The following PAXBP1 variants were observed in gnomAD, a reference collection of about 807,000 sequenced individuals.
The protein encoded by PAXBP1 is PAX3- and PAX7-binding protein 1.
Under a neutral mutation model 119.9 loss-of-function variants are expected in PAXBP1, and 44 were observed. That is an observed-to-expected ratio of 0.37 (90% CI 0.29 to 0.47). The LOEUF is 0.47. Among genes scored for constraint, PAXBP1 ranks in the 20% least tolerant of loss-of-function variants. The probability of loss-of-function intolerance (pLI) is 0.99; values close to 1 mark genes in which losing one functional copy is unlikely to be tolerated. For missense variants in PAXBP1, 898 were observed against 1,134.1 expected (o/e 0.79, Z 2.99); for synonymous variants, 393 against 406.6 (o/e 0.97, Z 0.40).
chr21:32,745,427 G>T, intron 12 of PAXBP1, 147 bp downstream of exon 12: 1 of 1,124,058 alleles, frequency 8.9e-7, no homozygotes, highest in Non-Finnish European at 1.3e-6. Context: ...GAACCCCTCT[G>T]CCCTCTAGCC....
chr21:32,762,174 C>T lies in PAXBP1; in HGVS notation c.793G>A (p.Glu265Lys). ...ATCCGGCGTTTCTCATCGTCATCTT[C>T]ATCATCACTGGCATCATTCTCATCT... Reference protein sequence around the residue: ...REDENDASDDEDDDEKRRIVF... With the variant: ...REDENDASDDKDDDEKRRIVF... Residue 265 changes from glutamate (E) to lysine (K), a missense_variant, in exon 4 of 18, where the codon GAA (glutamate) becomes AAA (lysine). By Grantham distance (56) the Glu-to-Lys change is moderately conservative. Around this residue, in one of 2 missense-constraint regions of PAXBP1, gnomAD observed 599 missense variants for 852.7 expected, o/e 0.70. Coordinates refer to ENST00000331923, the MANE Select transcript of PAXBP1 (RefSeq NM_016631.4). The T allele has an allele frequency of 6.2e-7, 1 of 1,614,204 alleles. No homozygotes were observed.
At chr21:32,750,304 A>C (rs2043939595) in intron 10 of PAXBP1, among the ~76,000 whole-genome samples, 1 of 152,096 alleles carries the variant, frequency 6.6e-6, no homozygotes, top group African/African-American at 2.4e-5. Context: ...TTGTTATCTG[A>C]GTGATAGGTA....
intron 5 of PAXBP1, among the ~76,000 whole-genome samples, 157 bp downstream of exon 5, chr21:32,760,902 C>CGTGTGTGTGT (rs1175775718): frequency 0.014 from 1,823 of 127,744 alleles, 29 homozygotes; most frequent in African/African-American, 0.04. Context: ...TGCGTGCGTG[C>CGTGTGTGTGT]GTGTGTGTGT....
chr21:32,767,876 C>T (rs1033399409), intron 2 of PAXBP1, among the ~76,000 whole-genome samples: 65 of 152,322 alleles, frequency 4.3e-4, no homozygotes, highest in African/African-American at 1.5e-3. Flanking sequence ...TCAGTTGTCA[C>T]TTATCCTGAC....
chr21:32,761,246 C>A, intron 4 of PAXBP1, 84 bp from the exon 5 acceptor site: 3 of 956,616 alleles, frequency 3.1e-6, no homozygotes, highest in South Asian at 1.4e-5. Context: ...TTCACAAGAA[C>A]TGAGCAAAAC....
intron 15 of PAXBP1, among the ~76,000 whole-genome samples, chr21:32,738,927 C>T (rs1340213085): frequency 6.6e-6 from 1 of 152,192 alleles, no homozygotes; most frequent in Non-Finnish European, 1.5e-5. Context: ...CGGCAGAGGT[C>T]TGGAGGTCAT....
At chr21:32,748,253 A>C (rs917718433) in intron 11 of PAXBP1, among the ~76,000 whole-genome samples, 2 of 152,200 alleles carry the variant, frequency 1.3e-5, no homozygotes, top group African/African-American at 2.4e-5. Context: ...AGCTGGCTGA[A>C]AAAAGGATTA....
rs2044095055 is a variant in PAXBP1, at chr21:32,759,224, A to G, written c.1239T>C (p.His413=). ...CCACTCGGCTTTGCAGATGTTTCTC[A>G]TGCTGCTGTCGATTTGTTTTGTGCA... ...KELHKTNRQQ[H]EKHLQSRVDS... is the part of the protein sequence containing the mutation. Residue 413 remains histidine, a synonymous_variant, in exon 7 of 18, where the codon CAT becomes CAC. Transcript: ENST00000331923. The G allele has an allele frequency of 6.2e-7, 1 of 1,613,998 alleles. No homozygotes were observed. The highest frequency in any genetic ancestry group is 8.5e-7 in the Non-Finnish European group (1 of 1,179,906).
At chr21:32,737,454 A>G in intron 16 of PAXBP1, 46 bp from the exon 17 acceptor site, 2 of 1,511,804 alleles carry the variant, frequency 1.3e-6, no homozygotes, top group Non-Finnish European at 1.8e-6. Flanking sequence ...GACAGAATAA[A>G]TTAAAGTATT....
At chr21:32,763,877 C>T (rs2044193598) in intron 3 of PAXBP1, among the ~76,000 whole-genome samples, 1 of 151,748 alleles carries the variant, frequency 6.6e-6, no homozygotes, top group Non-Finnish European at 1.5e-5. Flanking sequence ...GTCCCAGCTA[C>T]TCAGGAGGCT....
intron 2 of PAXBP1, 28 bp from the exon 3 acceptor site, chr21:32,764,552 GTAAAA>G: frequency 1.3e-6 from 2 of 1,482,164 alleles, no homozygotes; most frequent in Non-Finnish European, 1.8e-6. Context: ...TAAAATATAT[GTAAAA>G]TAAAATTCAT....
chr21:32,770,048 C>A (rs1320897915), intron 1 of PAXBP1, 106 bp from the exon 2 acceptor site: 7 of 756,228 alleles, frequency 9.3e-6, no homozygotes, highest in Non-Finnish European at 2.0e-6. Context: ...AATATATATA[C>A]TCATATGCCA....
chr21:32,743,174 C>T (rs2043814569), intron 15 of PAXBP1, 74 bp downstream of exon 15: 2 of 1,157,734 alleles, frequency 1.7e-6, no homozygotes, highest in Non-Finnish European at 1.3e-6. Context: ...TAATAAAAAA[C>T]AAAACACTCT....
chr21:32,760,060 T>C, intron 5 of PAXBP1, 66 bp from the exon 6 acceptor site: 1 of 1,308,524 alleles, frequency 7.6e-7, no homozygotes, highest in Non-Finnish European at 1.1e-6. Flanking sequence ...AATATGCCTT[T>C]AGGGTTAAAA....
intron 2 of PAXBP1, among the ~76,000 whole-genome samples, chr21:32,768,950 G>A (rs2044288150): frequency 1.3e-5 from 2 of 152,140 alleles, no homozygotes; most frequent in South Asian, 4.1e-4. Flanking sequence ...CCATCTTCGA[G>A]TCCCACTTTT....
In PAXBP1 at chr21:32,771,627, G is replaced by A; in HGVS notation, c.42C>T (p.Asn14=). Residue 14 remains asparagine (N), a synonymous_variant, in exon 1 of 18, where the codon AAC becomes AAT. Coordinates refer to ENST00000331923, the MANE Select transcript of PAXBP1 (RefSeq NM_016631.4). The stretch of plus-strand genomic sequence containing the variant: ...GTTCCCGCTCTTCCTCTTCGGAGTC[G>A]TTCCGCTTGCGCACGTTCACCCGCC... ...KARRVNVRKR[N]DSEEEERERD... 3.4e-6 allele frequency: 5 copies of A among 1,461,182 alleles called. No individual in the cohort carries two copies. Among genetic ancestry groups the A allele is most frequent in the Non-Finnish European group, 3.6e-6 (4 of 1,111,830 alleles). The allele number at this position is 1,461,182 out of a possible 1,614,324, so 90.5% of individuals were successfully genotyped here.
intron 17 of PAXBP1, 41 bp downstream of exon 17, chr21:32,737,213 T>G: frequency 7.1e-7 from 1 of 1,410,884 alleles, no homozygotes. Flanking sequence ...ATCTGGCAAC[T>G]AAACAACTCT....
chr21:32,746,987 A>G (rs571952199), intron 11 of PAXBP1, among the ~76,000 whole-genome samples: 1 of 152,140 alleles, frequency 6.6e-6, no homozygotes, highest in East Asian at 1.9e-4. Context: ...ACGCAGGAAC[A>G]GAAACCCAAG....
intron 7 of PAXBP1, chr21:32,756,504 T>C (rs1208396787): frequency 2.3e-6 from 1 of 433,932 alleles, no homozygotes; most frequent in Non-Finnish European, 4.5e-6. Context: ...GTTATTTTGT[T>C]CTTTAATATG....
Sources: allele counts gnomAD v4.1 joint callset (sites outside exome capture counted in the v4.1 genomes callset), GRCh38; gene constraint gnomAD v4.1.1; regional missense constraint gnomAD v4.1.1; transcripts MANE v1.5; gene names NCBI Gene and HGNC (gene_info 2026-07-23, HGNC 2026-07-21).